Variants in AKR1C3 observed in about 807,000 individuals in gnomAD.
AKR1C3 encodes aldo-keto reductase family 1 member C3, also known as 3-alpha hydroxysteroid dehydrogenase, type II.
A neutral mutation model predicts 43.6 loss-of-function variants in AKR1C3; 48 were observed. The ratio of observed to expected loss-of-function variants is 1.10; its 90% CI spans 0.87 to 1.40. AKR1C3 has a LOEUF of 1.40. Among genes scored for constraint, AKR1C3 ranks in the 40% most tolerant of loss-of-function variants. The probability of loss-of-function intolerance (pLI) is 0.00; values close to 1 mark genes in which losing one functional copy is unlikely to be tolerated. For synonymous variants in AKR1C3, 162 were observed against 139.6 expected (o/e 1.16, Z -1.13); for missense variants, 482 against 391.2 (o/e 1.23, Z -1.96).
In AKR1C3 at chr10:5,107,475, C is replaced by CTAAT. The variant is rs781811271; in HGVS notation, c.947_950dup (p.Tyr317Ter). Reference sequence around the variant, plus strand: ...TCTCTTTTCAGTTTTGCTAGCCACCCTAATTATCCATATTCAGATGAATAT... The same window carrying CTAAT: ...TCTCTTTTCAGTTTTGCTAGCCACCCTAATTAATTATCCATATTCAGATGAATAT... On this transcript the variant is annotated frameshift_variant, in exon 9 of 9. Transcript: ENST00000380554. LOFTEE classifies it high-confidence loss of function. 3.2e-6 allele frequency: 5 copies of CTAAT among 1,584,214 alleles called. No individual in the cohort carries two copies. The East Asian group carries it at 8.9e-5, about 28-fold the overall frequency.
rs562125228 is a variant in AKR1C3, at chr10:5,096,953, A to G, written c.252+376A>G. ...CTTTATCAGTGAGATAGAAAGCAATATAAGAAAGCTCTGGGAGTATTAAAT... is the reference window on the plus strand; with the variant it reads ...CTTTATCAGTGAGATAGAAAGCAATGTAAGAAAGCTCTGGGAGTATTAAAT... On this transcript the variant is annotated intron_variant, in intron 2 of 8. Coordinates refer to ENST00000380554, the MANE Select transcript of AKR1C3 (RefSeq NM_003739.6). Among the ~76,000 whole-genome samples, 257 of 152,342 alleles carry G rather than the reference A, an allele frequency of 1.7e-3. 2 individuals carry two copies. The highest frequency in any genetic ancestry group is 5.0e-3 in the South Asian group (24 of 4,824).
At chr10:5,075,754 A>G (rs1838703293) in intron 1 of AKR1C3, among the ~76,000 whole-genome samples, 1 of 152,046 alleles carries the variant, frequency 6.6e-6, no homozygotes, top group Admixed American at 6.6e-5. Context: ...CATGCCTCCT[A>G]TCCCACCTAC....
chr10:5,097,584 C>T, intron 3 of AKR1C3, 34 bp downstream of exon 3: 3 of 1,612,202 alleles, frequency 1.9e-6, no homozygotes, highest in Non-Finnish European at 1.7e-6. Context: ...AATTGCGCTT[C>T]TGCTGTCATT....
chr10:5,049,408 GA>G (rs530917416), intron 1 of AKR1C3, among the ~76,000 whole-genome samples: 17 of 151,838 alleles, frequency 1.1e-4, no homozygotes, highest in Middle Eastern at 3.4e-3. Context: ...GGACTAAAGA[GA>G]ATTTCCCATG....
Position 5,098,078 on chromosome 10 carries a change from AATTACTGTGTAGTGT to A in AKR1C3, c.369+531_369+545del, listed in dbSNP as rs1478029091. 3 of 995,112 alleles carry A rather than the reference AATTACTGTGTAGTGT, an allele frequency of 3.0e-6. No homozygotes were observed. In the African/African-American group the frequency reaches 5.2e-5, roughly 17 times the overall value. The allele number at this position is 995,112 out of a possible 1,614,324, so 61.6% of individuals were successfully genotyped here. On this transcript the variant is annotated intron_variant, in intron 3 of 8. Coordinates refer to ENST00000380554, the MANE Select transcript of AKR1C3 (RefSeq NM_003739.6). ...GAGTTTGAAGCTGTATTTAGCCAGGAATTACTGTGTAGTGTATAACTTTTGATTTAAAGTTACAGA... is the reference window on the plus strand; with the variant it reads ...GAGTTTGAAGCTGTATTTAGCCAGGAATAACTTTTGATTTAAAGTTACAGA...
chr10:5,082,313 C>T (rs782196669), intron 1 of AKR1C3, among the ~76,000 whole-genome samples: 9 of 152,134 alleles, frequency 5.9e-5, no homozygotes, highest in Non-Finnish European at 1.0e-4. Context: ...AATAGTACTT[C>T]CAATTTTGTG....
intron 1 of AKR1C3, among the ~76,000 whole-genome samples, chr10:5,087,724 T>G (rs181270855): frequency 6.0e-4 from 91 of 152,222 alleles, no homozygotes; most frequent in African/African-American, 2.1e-3. Flanking sequence ...TTTTTTTTCT[T>G]TGTTAGCTAG....
intron 1 of AKR1C3, among the ~76,000 whole-genome samples, chr10:5,080,041 T>C (rs1286722294): frequency 3.9e-5 from 6 of 152,140 alleles, no homozygotes; most frequent in Admixed American, 3.9e-4. Context: ...AATGAAGGAA[T>C]TGTGCACGGC....
At chr10:5,086,113 G>T (rs1838959935) in intron 1 of AKR1C3, among the ~76,000 whole-genome samples, 1 of 151,658 alleles carries the variant, frequency 6.6e-6, no homozygotes, top group South Asian at 2.1e-4. Context: ...CTTGCCTTCT[G>T]CTAGCTTTTG....
intron 3 of AKR1C3, among the ~76,000 whole-genome samples, 188 bp from the exon 4 acceptor site, chr10:5,098,614 T>C (rs1839271436): frequency 6.6e-6 from 1 of 152,176 alleles, no homozygotes; most frequent in Non-Finnish European, 1.5e-5. Context: ...TGTAAGAGAT[T>C]AGAGGAAGCC....
intron 1 of AKR1C3, among the ~76,000 whole-genome samples, chr10:5,064,877 G>A (rs1193159299): frequency 1.3e-4 from 18 of 136,606 alleles, no homozygotes; most frequent in African/African-American, 4.9e-4. Context: ...TGCATCTGAT[G>A]AGTTCCAATA....
At chr10:5,051,879 G>A (rs1468141052) in intron 1 of AKR1C3, among the ~76,000 whole-genome samples, 6 of 152,200 alleles carry the variant, frequency 3.9e-5, no homozygotes, top group Non-Finnish European at 8.8e-5. Context: ...CTCTTCTAAA[G>A]ATTCTTTACC....
At chr10:5,096,118 T>G (rs1409410318) in intron 1 of AKR1C3, 4 of 253,680 alleles carry the variant, frequency 1.6e-5, no homozygotes, top group African/African-American at 6.7e-5. Flanking sequence ...ATATTAAAAA[T>G]AATTAGGACT....
chr10:5,048,880 C>T, exon 1 of AKR1C3: 1 of 1,613,578 alleles, frequency 6.2e-7, no homozygotes, highest in African/African-American at 1.3e-5. Flanking sequence ...GATTTGGCAC[C>T]TATGCACCTC....
chr10:5,091,207 G>T (rs782791448), upstream of AKR1C3, among the ~76,000 whole-genome samples: 1 of 151,554 alleles, frequency 6.6e-6, no homozygotes, highest in Non-Finnish European at 1.5e-5. Flanking sequence ...TTAGCAGAGA[G>T]AAAAAAAACT....
intron 1 of AKR1C3, among the ~76,000 whole-genome samples, chr10:5,075,743 G>C (rs1045962897): frequency 6.6e-6 from 1 of 152,098 alleles, no homozygotes; most frequent in African/African-American, 2.4e-5. Flanking sequence ...GCATGGTGGT[G>C]CATGCCTCCT....
Position 5,102,444 on chromosome 10 carries a change from C to A in AKR1C3, c.681-41C>A. Reference sequence around the variant, plus strand: ...TTTAGGGAGCCGCCTAACAAACTATCGCCAGCCTCAGGGCCTCAGCCTTTC... The same window carrying A: ...TTTAGGGAGCCGCCTAACAAACTATAGCCAGCCTCAGGGCCTCAGCCTTTC... On this transcript the variant is annotated intron_variant, in intron 6 of 8. Coordinates refer to ENST00000380554, the MANE Select transcript of AKR1C3 (RefSeq NM_003739.6). 9 of 1,359,296 alleles carry A rather than the reference C, an allele frequency of 6.6e-6. 1 individual carries two copies. Among genetic ancestry groups the A allele is most frequent in the Non-Finnish European group, 9.0e-6 (9 of 994,636 alleles). The allele number at this position is 1,359,296 out of a possible 1,614,324, so 84.2% of individuals were successfully genotyped here. A position where few individuals can be genotyped will look rare whatever the true frequency, so the allele number is the denominator to read the frequency against.
chr10:5,093,756 C>T (rs1276045467), upstream of AKR1C3: 3 of 152,092 alleles, frequency 2.0e-5, no homozygotes, highest in African/African-American at 2.4e-5. Flanking sequence ...AATTAACACT[C>T]CAATAAAAAC....
intron 2 of AKR1C3, among the ~76,000 whole-genome samples, chr10:5,097,139 G>T (rs1839226054): frequency 6.6e-6 from 1 of 152,064 alleles, no homozygotes; most frequent in South Asian, 2.1e-4. Context: ...AAAATGAGTT[G>T]TAAACTCTAC....
Sources: gnomAD v4.1 joint callset for allele counts (sites outside exome capture counted in the v4.1 genomes callset) on GRCh38, gnomAD v4.1.1 for gene constraint, MANE v1.5 for transcripts, NCBI Gene and HGNC (gene_info 2026-07-23, HGNC 2026-07-21) for gene names.